ETS1: variants seen among roughly 807,000 people sequenced by gnomAD.
ETS1 encodes protein C-ets-1.
ETS1 carries 15 observed loss-of-function variants against 58.6 expected under a neutral mutation model. That is an observed-to-expected ratio of 0.26 (90% CI 0.17 to 0.39). ETS1 has a LOEUF of 0.39. Ranked by LOEUF, ETS1 falls within the 10% of genes least tolerant of loss-of-function variation. The probability of loss-of-function intolerance (pLI) is 1.00; values close to 1 mark genes in which losing one functional copy is unlikely to be tolerated. For synonymous variants in ETS1, 214 were observed against 218.2 expected (o/e 0.98, Z 0.17); for missense variants, 417 against 610.5 (o/e 0.68, Z 3.34).
rs117905687 is a variant in ETS1 at position 128,504,390 on chromosome 11, A to C, written c.215-13814T>G. ...ATGCATAAAGCCTTATCCAGGACCA[A>C]AAAGCAGAAAAGAGGAATTTACAGA... On this transcript the variant is annotated intron_variant, in intron 3 of 9. Transcript: ENST00000392668. Among the ~76,000 whole-genome samples, 679 of 152,316 alleles carry C rather than the reference A, an allele frequency of 4.5e-3. 1 individual carries two copies. Among genetic ancestry groups the C allele is most frequent in the Middle Eastern group, 0.01 (3 of 294 alleles).
At chr11:128,502,006 GGA>G (rs144443527) in intron 3 of ETS1, among the ~76,000 whole-genome samples, 73 of 149,264 alleles carry the variant, frequency 4.9e-4, no homozygotes, top group African/African-American at 6.3e-4. Flanking sequence ...GGGGTGGGGT[GGA>G]GAGAGAGAGA....
At chr11:128,466,070 C>A (rs1178299996) in intron 8 of ETS1, among the ~76,000 whole-genome samples, 1 of 152,198 alleles carries the variant, frequency 6.6e-6, no homozygotes, top group African/African-American at 2.4e-5. Flanking sequence ...AAACTCTCTC[C>A]CCTACTTCTC....
intron 6 of ETS1, among the ~76,000 whole-genome samples, chr11:128,485,734 C>T (rs1199683028): frequency 2.6e-5 from 4 of 152,054 alleles, no homozygotes; most frequent in Admixed American, 1.3e-4. Context: ...AGATCAAATC[C>T]CTAACCCAAC....
chr11:128,462,278 A>C lies in ETS1; in HGVS notation c.*83T>G, dbSNP rs1333385985. 1 of 1,089,420 alleles carries C rather than the reference A, an allele frequency of 9.2e-7. No individual in the cohort carries two copies. Among genetic ancestry groups the C allele is most frequent in the African/African-American group, 1.6e-5 (1 of 63,106 alleles). The allele number at this position is 1,089,420 out of a possible 1,614,324, so 67.5% of individuals were successfully genotyped here. A position where few individuals can be genotyped will look rare whatever the true frequency, so the allele number is the denominator to read the frequency against. On this transcript the variant is annotated 3_prime_UTR_variant, in exon 10 of 10. Transcript: ENST00000392668. The stretch of plus-strand genomic sequence containing the variant: ...TGAGTTCTGGAAAATAAAAAATAGA[A>C]TAACAATTCAAAATTCAGAGTCCAA...
chr11:128,492,894 C>T (rs1862840749), intron 3 of ETS1, among the ~76,000 whole-genome samples: 1 of 152,206 alleles, frequency 6.6e-6, no homozygotes, highest in Non-Finnish European at 1.5e-5. Context: ...TGGCTAAACA[C>T]ACAAGTCAAT....
At chr11:128,485,964 T>G in intron 6 of ETS1, 105 bp downstream of exon 6, 1 of 707,470 alleles carries the variant, frequency 1.4e-6, no homozygotes, top group Non-Finnish European at 2.5e-6. Flanking sequence ...TAAGAAGATA[T>G]TATTTTTGAT....
chr11:128,518,562 A>G (rs1426946412), intron 3 of ETS1, among the ~76,000 whole-genome samples: 1 of 152,240 alleles, frequency 6.6e-6, no homozygotes, highest in Non-Finnish European at 1.5e-5. Context: ...GTCCAAAGTC[A>G]CACAGCTGCT....
intron 3 of ETS1, among the ~76,000 whole-genome samples, chr11:128,525,860 A>G (rs559047508): frequency 7.2e-5 from 11 of 152,316 alleles, no homozygotes; most frequent in African/African-American, 2.4e-4. Context: ...AAAATGGAAA[A>G]TTAGAGATAG....
intron 4 of ETS1, 102 bp downstream of exon 4, chr11:128,490,355 A>G: frequency 8.1e-7 from 1 of 1,234,594 alleles, no homozygotes; most frequent in Non-Finnish European, 1.2e-6. Flanking sequence ...GCTGACTCCA[A>G]TGTGGTTAGT....
intron 3 of ETS1, among the ~76,000 whole-genome samples, chr11:128,551,677 T>G (rs1864231807): frequency 6.6e-6 from 1 of 152,192 alleles, no homozygotes; most frequent in African/African-American, 2.4e-5. Context: ...ATGTATTTTC[T>G]CAGTATCCCG....
chr11:128,506,953 A>T (rs996639397), intron 3 of ETS1, among the ~76,000 whole-genome samples: 2 of 152,140 alleles, frequency 1.3e-5, no homozygotes, highest in African/African-American at 4.8e-5. Flanking sequence ...ACTTACATAC[A>T]AAAGATTCTC....
chr11:128,496,853 G>A (rs547123911), intron 3 of ETS1, among the ~76,000 whole-genome samples: 4 of 152,304 alleles, frequency 2.6e-5, no homozygotes, highest in African/African-American at 9.6e-5. Flanking sequence ...GCAAAGAAGG[G>A]AGGGAAGTGT....
intron 3 of ETS1, among the ~76,000 whole-genome samples, chr11:128,538,791 CCAA>C (rs1864011872): frequency 6.9e-6 from 1 of 145,204 alleles, no homozygotes; most frequent in Admixed American, 6.9e-5. Context: ...CACACACACA[CCAA>C]ACCAGGTTTG....
At chr11:128,527,824 A>G (rs1863828241) in intron 3 of ETS1, among the ~76,000 whole-genome samples, 1 of 152,200 alleles carries the variant, frequency 6.6e-6, no homozygotes, top group Admixed American at 6.5e-5. Flanking sequence ...GACAACATCA[A>G]ACTTCAAAAC....
intron 3 of ETS1, chr11:128,505,066 G>A (rs901469226): frequency 1.3e-5 from 2 of 152,204 alleles, no homozygotes; most frequent in African/African-American, 4.8e-5. Context: ...TGAAATTTGA[G>A]GGTGCTATTC....
intron 1 of ETS1, among the ~76,000 whole-genome samples, chr11:128,582,516 CT>C (rs1864894940): frequency 6.6e-6 from 1 of 152,010 alleles, no homozygotes; most frequent in African/African-American, 2.4e-5. Context: ...ATATTAATTA[CT>C]TTTTTCTACT....
intron 3 of ETS1, among the ~76,000 whole-genome samples, chr11:128,494,859 C>T (rs1862896950): frequency 2.0e-5 from 3 of 152,158 alleles, no homozygotes; most frequent in African/African-American, 7.2e-5. Context: ...ATGAGGGATA[C>T]AGCCAAGGAC....
At chr11:128,471,338 A>G (rs1862182717) in intron 8 of ETS1, among the ~76,000 whole-genome samples, 1 of 152,194 alleles carries the variant, frequency 6.6e-6, no homozygotes, top group Non-Finnish European at 1.5e-5. Context: ...ACAGTTACAC[A>G]TTTTTAGGGT....
At chr11:128,467,871 C>T (rs898776577) in intron 8 of ETS1, among the ~76,000 whole-genome samples, 3 of 151,996 alleles carry the variant, frequency 2.0e-5, no homozygotes, top group Non-Finnish European at 4.4e-5. Flanking sequence ...CAGAGCCATG[C>T]GGGCGGGAGA....
Sources: allele counts gnomAD v4.1 joint callset (sites outside exome capture counted in the v4.1 genomes callset), GRCh38; gene constraint gnomAD v4.1.1; transcripts MANE v1.5; gene names NCBI Gene and HGNC (gene_info 2026-07-23, HGNC 2026-07-21).